The following RASSF8 variants were observed in gnomAD, a reference collection of about 807,000 sequenced individuals.
RASSF8 encodes Ras association domain family member 8, also known as ras association domain-containing protein 8.
A neutral mutation model predicts 48.5 loss-of-function variants in RASSF8; 22 were observed. That is an observed-to-expected ratio of 0.45 (90% CI 0.32 to 0.65). RASSF8 has a LOEUF of 0.65. Among genes scored for constraint, RASSF8 ranks in the 30% least tolerant of loss-of-function variants. The pLI is 0.03. For synonymous variants in RASSF8, 127 were observed against 171.5 expected (o/e 0.74, Z 2.03); for missense variants, 418 against 489.2 (o/e 0.85, Z 1.37).
intron 3 of RASSF8, 138 bp downstream of exon 3, chr12:26,055,584 TAC>T: frequency 1.3e-6 from 1 of 751,016 alleles, no homozygotes; most frequent in Non-Finnish European, 2.3e-6. Context: ...TTGTACTTAT[TAC>T]AGTTTGCCTG....
chr12:25,992,675 A>G (rs1942041720), intron 1 of RASSF8, among the ~76,000 whole-genome samples: 2 of 152,156 alleles, frequency 1.3e-5, no homozygotes, highest in Non-Finnish European at 2.9e-5. Flanking sequence ...AATGCATGCT[A>G]CATGGTGGCT....
upstream of RASSF8, chr12:25,958,235 G>A (rs1211087121): frequency 6.6e-6 from 1 of 151,992 alleles, no homozygotes; most frequent in Admixed American, 6.5e-5. Context: ...TGACCGTAGA[G>A]GGCAGTTTGA....
At chr12:26,044,347 A>G (rs913118911) in intron 2 of RASSF8, among the ~76,000 whole-genome samples, 5 of 152,234 alleles carry the variant, frequency 3.3e-5, no homozygotes, top group South Asian at 2.1e-4. Flanking sequence ...ATATAAACAC[A>G]TAGTGGAAGT....
At chr12:26,008,266 G>C (rs1052213185) in intron 2 of RASSF8, among the ~76,000 whole-genome samples, 1 of 148,708 alleles carries the variant, frequency 6.7e-6, no homozygotes, top group Non-Finnish European at 1.5e-5. Context: ...GCGAGACTCC[G>C]TTTAAAAAAA....
downstream of RASSF8, among the ~76,000 whole-genome samples, chr12:26,074,572 T>G (rs1944054564): frequency 1.3e-5 from 2 of 152,036 alleles, no homozygotes; most frequent in Admixed American, 1.3e-4. Flanking sequence ...CTTGAACTCC[T>G]GACCTCGTGT....
At chr12:25,985,845 T>C (rs562679029) in intron 1 of RASSF8, among the ~76,000 whole-genome samples, 1 of 152,324 alleles carries the variant, frequency 6.6e-6, no homozygotes, top group Admixed American at 6.5e-5. Flanking sequence ...CAGACAGGGC[T>C]GGATTCGTAT....
intron 2 of RASSF8, among the ~76,000 whole-genome samples, chr12:26,033,946 CGTT>C (rs1403505835): frequency 2.0e-5 from 3 of 152,002 alleles, no homozygotes; most frequent in Non-Finnish European, 2.9e-5. Context: ...TATTCTGAGT[CGTT>C]GTATGTGCCT....
At chr12:26,035,836 TATA>T (rs1943136207) in intron 2 of RASSF8, among the ~76,000 whole-genome samples, 1 of 144,492 alleles carries the variant, frequency 6.9e-6, no homozygotes, top group Non-Finnish European at 1.5e-5. Flanking sequence ...TATAATTTCA[TATA>T]ATTATGTATT....
intron 2 of RASSF8, among the ~76,000 whole-genome samples, chr12:26,043,825 A>G (rs1943316944): frequency 1.3e-5 from 2 of 152,206 alleles, no homozygotes; most frequent in South Asian, 2.1e-4. Flanking sequence ...ACCAGACAAC[A>G]TTACATATGA....
intron 2 of RASSF8, among the ~76,000 whole-genome samples, chr12:26,026,898 A>G (rs1000648991): frequency 1.3e-5 from 2 of 152,218 alleles, no homozygotes; most frequent in African/African-American, 4.8e-5. Flanking sequence ...TCCTAATTAC[A>G]TACCCAAGTG....
chr12:25,984,573 C>G (rs1037215465), intron 1 of RASSF8, among the ~76,000 whole-genome samples: 2 of 152,184 alleles, frequency 1.3e-5, no homozygotes, highest in Non-Finnish European at 2.9e-5. Context: ...GACCTCTTGA[C>G]CTCATGATCT....
intron 2 of RASSF8, among the ~76,000 whole-genome samples, chr12:26,005,181 G>GTGTGTA (rs1942360974): frequency 1.3e-5 from 2 of 151,962 alleles, no homozygotes; most frequent in Non-Finnish European, 2.9e-5. Context: ...GTGTGTGTGT[G>GTGTGTA]TGTGTGTTTT....
At chr12:26,022,747 T>C (rs1942816347) in intron 2 of RASSF8, among the ~76,000 whole-genome samples, 1 of 148,876 alleles carries the variant, frequency 6.7e-6, no homozygotes, top group Non-Finnish European at 1.5e-5. Context: ...TCTTTCTTTC[T>C]TTTTTTTTTG....
chr12:26,076,269 T>C (rs1012678006), downstream of RASSF8, among the ~76,000 whole-genome samples: 2 of 151,704 alleles, frequency 1.3e-5, no homozygotes, highest in African/African-American at 4.9e-5. Flanking sequence ...CTTTTTTTTT[T>C]TTTAATTATA....
chr12:26,014,962 TTGGGAGGCCAAGG>T (rs1459279726), intron 2 of RASSF8, among the ~76,000 whole-genome samples: 1 of 151,966 alleles, frequency 6.6e-6, no homozygotes, highest in Non-Finnish European at 1.5e-5. Flanking sequence ...TCCCAGCACT[TTGGGAGGCCAAGG>T]TGGGAGGATC....
rs765908597 is a variant in RASSF8, at chr12:26,068,811, A to T, written c.1253A>T (p.Tyr418Phe). The change falls in exon 6 of 6, where the codon TAT (tyrosine) becomes TTT (phenylalanine). Residue 418 changes from tyrosine to phenylalanine, a missense_variant. By Grantham distance (22) the Tyr-to-Phe change is conservative (BLOSUM62 3). Transcript: ENST00000689635. ...TCTGGTTTTAATCCTGAAGGCATAT[A>T]TGTATGACATTATCTGTCTTTAGGG... ...ISSGFNPEGIYV is the reference protein window; with the variant it reads ...ISSGFNPEGIFV 9 of 1,536,978 alleles carry T rather than the reference A, an allele frequency of 5.9e-6. No individual in the cohort carries two copies. In the South Asian group the frequency reaches 1.1e-4, roughly 18 times the overall value.
intron 2 of RASSF8, among the ~76,000 whole-genome samples, chr12:25,996,952 ATC>A (rs1321072425): frequency 1.3e-5 from 2 of 152,166 alleles, no homozygotes; most frequent in African/African-American, 4.8e-5. Context: ...CTGTAAAACT[ATC>A]TTAAGTTTTT....
At chr12:26,038,608 AAC>A (rs57536643) in intron 2 of RASSF8, among the ~76,000 whole-genome samples, 9,346 of 144,750 alleles carry the variant, frequency 0.065, 315 homozygotes, top group African/African-American at 0.091. Flanking sequence ...TTCTTATTAA[AAC>A]ACACACACAC....
chr12:26,068,655 G>A, intron 5 of RASSF8, 42 bp from the exon 6 acceptor site: 1 of 1,448,152 alleles, frequency 6.9e-7, no homozygotes, highest in Non-Finnish European at 9.4e-7. Flanking sequence ...AGTACTCCAA[G>A]TTGACGAGCT....
Sources: allele counts gnomAD v4.1 joint callset (sites outside exome capture counted in the v4.1 genomes callset), GRCh38; gene constraint gnomAD v4.1.1; transcripts MANE v1.5; gene names NCBI Gene and HGNC (gene_info 2026-07-23, HGNC 2026-07-21).